UBAP2: variants seen among roughly 807,000 people sequenced by gnomAD.
The protein encoded by UBAP2 is ubiquitin-associated protein 2.
In UBAP2, 75 loss-of-function variants were observed where a neutral mutation model predicts 139.6. The ratio of observed to expected loss-of-function variants is 0.54; its 90% CI spans 0.45 to 0.65. UBAP2 has a LOEUF of 0.65. UBAP2 is among the 30% of genes least tolerant of loss of function. The pLI is 0.00. For synonymous variants in UBAP2, 526 were observed against 526.2 expected (o/e 1.00, Z 0.01); for missense variants, 1,368 against 1,369.6 (o/e 1.00, Z 0.02).
Position 33,952,910 on chromosome 9 carries a change from C to T in UBAP2, c.1056+375G>A, listed in dbSNP as rs147982798. ...TTAGAGACAGGGTCTCGCTCTGTCA[C>T]CCAGCCTGGAGTACAGAGGCATGAT... is the stretch of plus-strand genomic sequence containing the variant. On this transcript the variant is annotated intron_variant, in intron 12 of 28. Transcript: ENST00000379238. 5.2e-3 allele frequency: 817 copies of T among 156,214 alleles called. 10 individuals are homozygous for T. Among genetic ancestry groups the T allele is most frequent in the African/African-American group, 0.018 (770 of 41,638 alleles). The allele number at this position is 156,214 out of a possible 1,614,324, so 9.7% of individuals were successfully genotyped here. A position where few individuals can be genotyped will look rare whatever the true frequency, so the allele number is the denominator to read the frequency against.
chr9:33,971,679 A>G lies in UBAP2; in HGVS notation c.651T>C (p.Ala217=), dbSNP rs750038677. 2.5e-6 allele frequency: 4 copies of G among 1,611,924 alleles called. No homozygotes were observed. Among genetic ancestry groups the G allele is most frequent in the African/African-American group, 1.3e-5 (1 of 74,908 alleles). Residue 217 remains alanine (A), a synonymous_variant, in exon 8 of 29, where the codon GCT becomes GCC. Transcript: ENST00000379238. ...TTCCCTCATCTGCACCATTCTGAGC[A>G]GCTTCCCAAACTACTAGCTTTGTCC... ...VCGTKLVVWE[A]AQNGADEGTE...
chr9:34,036,291 T>C (rs1826360937), intron 1 of UBAP2, among the ~76,000 whole-genome samples: 1 of 151,970 alleles, frequency 6.6e-6, no homozygotes, highest in South Asian at 2.1e-4. Flanking sequence ...TAATTTTTTA[T>C]AATTTAATAG....
At position 33,996,232 on chromosome 9, in the gene UBAP2, A is replaced by T. The variant is rs1354146767; in HGVS notation, c.279T>A (p.Asn93Lys). 6.2e-7 allele frequency: 1 copy of T among 1,610,172 alleles called. No homozygotes were observed. Among genetic ancestry groups the T allele is most frequent in the East Asian group, 2.2e-5 (1 of 44,826 alleles). Residue 93 changes from asparagine (N) to lysine (K), a missense_variant, in exon 4 of 29, where the codon AAT becomes AAA. Asn to Lys is a moderately conservative substitution (Grantham distance 94). Transcript: ENST00000379238. The stretch of plus-strand genomic sequence containing the variant: ...AATTAATAATACTTACTGTGTCTGA[A>T]TTCCCTTCCAGCAATATATTGATAG... ...NKAINILLEG[N>K]SDTTSWETVG...
At chr9:34,028,356 C>A (rs1383956809) in intron 1 of UBAP2, among the ~76,000 whole-genome samples, 3 of 98,756 alleles carry the variant, frequency 3.0e-5, no homozygotes, top group Middle Eastern at 4.7e-3. Flanking sequence ...AGCTGTAAAC[C>A]CTGTCTTATT....
intron 1 of UBAP2, among the ~76,000 whole-genome samples, chr9:34,021,984 C>A (rs1044414654): frequency 2.6e-5 from 4 of 152,150 alleles, no homozygotes; most frequent in African/African-American, 9.7e-5. Context: ...GTGGCTCACA[C>A]CTGTAATCCC....
At chr9:33,958,706 C>CTTTTT (rs35500529) in intron 10 of UBAP2, among the ~76,000 whole-genome samples, 15 of 122,732 alleles carry the variant, frequency 1.2e-4, no homozygotes, top group South Asian at 8.5e-4. Flanking sequence ...TGTGCCCGGC[C>CTTTTT]TTTTTTTTTT....
intron 16 of UBAP2, among the ~76,000 whole-genome samples, chr9:33,938,035 T>C (rs947061714): frequency 3.3e-5 from 5 of 152,190 alleles, no homozygotes; most frequent in African/African-American, 1.2e-4. Flanking sequence ...TCTGGCTCTG[T>C]CACCCAGGCA....
intron 1 of UBAP2, among the ~76,000 whole-genome samples, chr9:34,044,400 C>CG (rs1347882420): frequency 2.1e-5 from 3 of 143,968 alleles, no homozygotes; most frequent in Admixed American, 6.9e-5. Context: ...GACTCTGTCT[C>CG]GAAAAAAAAA....
intron 21 of UBAP2, 148 bp from the exon 22 acceptor site, chr9:33,926,812 T>C: frequency 9.8e-7 from 1 of 1,023,828 alleles, no homozygotes; most frequent in Admixed American, 1.9e-5. Flanking sequence ...AGATCCTGCC[T>C]TCACGGAGTC....
At chr9:34,035,957 T>C (rs1254975325) in intron 1 of UBAP2, among the ~76,000 whole-genome samples, 1 of 151,904 alleles carries the variant, frequency 6.6e-6, no homozygotes, top group Non-Finnish European at 1.5e-5. Context: ...GCAGTGAGCC[T>C]GATCGCATCA....
chr9:34,041,789 C>T (rs1204168126), intron 1 of UBAP2, among the ~76,000 whole-genome samples: 1 of 151,864 alleles, frequency 6.6e-6, no homozygotes, highest in South Asian at 2.1e-4. Context: ...TTTGGGAGGC[C>T]GAAGCAGGCA....
At chr9:33,984,889 T>G (rs935806922) in intron 6 of UBAP2, among the ~76,000 whole-genome samples, 2 of 152,176 alleles carry the variant, frequency 1.3e-5, no homozygotes, top group African/African-American at 4.8e-5. Flanking sequence ...ACAGGAAGAT[T>G]GCCTGAACCC....
intron 4 of UBAP2, among the ~76,000 whole-genome samples, chr9:33,992,088 C>T (rs943021827): frequency 6.6e-6 from 1 of 152,084 alleles, no homozygotes; most frequent in Non-Finnish European, 1.5e-5. Context: ...CCCATCTCTA[C>T]TAAACATACA....
chr9:34,036,839 C>G (rs1826427823), intron 1 of UBAP2, among the ~76,000 whole-genome samples: 1 of 135,114 alleles, frequency 7.4e-6, no homozygotes, highest in African/African-American at 2.7e-5. Flanking sequence ...GACAAGGTCT[C>G]ATTCTGTCTG....
Position 33,982,445 on chromosome 9 carries a change from G to A in UBAP2, c.520+4315C>T, listed in dbSNP as rs570122800. 2.7e-4 allele frequency among the ~76,000 whole-genome samples: 41 copies of A among 152,292 alleles called. 1 individual carries two copies. Among genetic ancestry groups the A allele is most frequent in the African/African-American group, 9.4e-4 (39 of 41,554 alleles). ...AAAACAAATAAAAAATAGGTAGGTA[G>A]TTTGCCTACATAGCTGCTTTTATAT... On this transcript the variant is annotated intron_variant, in intron 6 of 28. Transcript: ENST00000379238.
chr9:33,994,693 T>TG (rs1249080740), intron 4 of UBAP2: 1 of 152,128 alleles, frequency 6.6e-6, no homozygotes, highest in African/African-American at 2.4e-5. Flanking sequence ...ACAAATTTGA[T>TG]GGTTTGTCTT....
In UBAP2 at chr9:34,023,343, C is replaced by T. The variant is rs186201728; in HGVS notation, c.-41-6154G>A. Among the ~76,000 whole-genome samples, 611 of 152,238 alleles carry T rather than the reference C, an allele frequency of 4.0e-3. 4 individuals carry two copies. The highest frequency in any genetic ancestry group is 7.0e-3 in the Non-Finnish European group (478 of 68,020). On this transcript the variant is annotated intron_variant, in intron 1 of 28. Transcript: ENST00000379238. ...AGAAGAAATATACTTAACCCATATT[C>T]AATGTACATTAATTTTTTGATTTAC...
At chr9:33,958,751 G>A (rs1158180579) in intron 10 of UBAP2, among the ~76,000 whole-genome samples, 1 of 143,260 alleles carries the variant, frequency 7.0e-6, no homozygotes, top group Non-Finnish European at 1.5e-5. Flanking sequence ...ATGACGGCAC[G>A]CACCTGTAAT....
At chr9:33,955,498 C>T (rs183834546) in intron 11 of UBAP2, among the ~76,000 whole-genome samples, 8 of 148,164 alleles carry the variant, frequency 5.4e-5, no homozygotes, top group South Asian at 2.1e-4. Flanking sequence ...CCAGCCTAGG[C>T]GACAGAGTGA....
Sources: gnomAD v4.1 joint callset for allele counts (sites outside exome capture counted in the v4.1 genomes callset) on GRCh38, gnomAD v4.1.1 for gene constraint, MANE v1.5 for transcripts, NCBI Gene and HGNC (gene_info 2026-07-23, HGNC 2026-07-21) for gene names.